The following ZNF226 variants were observed in gnomAD, a reference collection of about 807,000 sequenced individuals.
The protein encoded by ZNF226 is zinc finger protein 226.
Under a neutral mutation model 11.4 loss-of-function variants are expected in ZNF226, and 6 were observed. The ratio of observed to expected loss-of-function variants is 0.53; its 90% confidence interval spans 0.29 to 1.04. ZNF226 has a LOEUF of 1.04. Ranked by LOEUF, ZNF226 falls within the 50% of genes least tolerant of loss-of-function variation. ZNF226 has a pLI of 0.08. For synonymous variants in ZNF226, 350 were observed against 322.8 expected (o/e 1.08, Z -0.90); for missense variants, 1,058 against 956.5 (o/e 1.11, Z -1.40).
Position 44,176,669 on chromosome 19 carries a change from C to T in ZNF226, c.1407C>T (p.His469=), listed in dbSNP as rs1046773862. Residue 469 remains histidine (H), a synonymous_variant, in exon 6 of 6, where the codon CAC becomes CAT. Transcript: ENST00000337433. ...GTCTTCAGGCCCATCAGGGAGTTCA[C>T]ACTGGAGAGAAGTCATACATATGTA... ...PSSLQAHQGV[H]TGEKSYICTV... 1 of 1,614,072 alleles carries T rather than the reference C, an allele frequency of 6.2e-7. No individual in the cohort carries two copies.
chr19:44,181,684 AG>A (rs1346621372), downstream of ZNF226, among the ~76,000 whole-genome samples: 1 of 152,146 alleles, frequency 6.6e-6, no homozygotes, highest in East Asian at 1.9e-4. Flanking sequence ...AACAAAGCTG[AG>A]GGTTTTGCTC....
Position 44,175,978 on chromosome 19 carries a change from T to G in ZNF226, c.716T>G (p.Phe239Cys). ...AAAGACAACATGAAGATTTTGACAT[T>G]TGATCACAATAGCATGATTCACACA... ...YEKDNMKILT[F>C]DHNSMIHTGQ... Residue 239 changes from phenylalanine (F) to cysteine (C), a missense_variant, in exon 6 of 6, where the codon TTT becomes TGT. Phe to Cys is a radical substitution (Grantham distance 205). Coordinates refer to ENST00000337433, the MANE Select transcript of ZNF226 (RefSeq NM_001032373.2). The G allele has an allele frequency of 6.2e-7, 1 of 1,613,858 alleles. No individual in the cohort carries two copies.
rs111309024 is a variant in ZNF226 at position 44,170,261 on chromosome 19, T to A, written c.15+166T>A. On this transcript the variant is annotated intron_variant, in intron 3 of 5. Coordinates refer to ENST00000337433, the MANE Select transcript of ZNF226 (RefSeq NM_001032373.2). ...AGTTTAGCTGGTTTTGGTTTTAGTT[T>A]TATTTCGTCATTTTTATTTTACAAA... is the stretch of plus-strand genomic sequence containing the variant. Among the ~76,000 whole-genome samples the A allele has an allele frequency of 7.6e-3, 1,152 of 152,318 alleles. 7 individuals carry two copies. The highest frequency in any genetic ancestry group is 0.014 in the Middle Eastern group (4 of 294).
At chr19:44,173,084 C>T (rs983447888) in intron 5 of ZNF226, 132 bp downstream of exon 5, 48 of 754,134 alleles carry the variant, frequency 6.4e-5, no homozygotes, top group Non-Finnish European at 1.0e-4. Context: ...CTTTGTACTG[C>T]TTGCCCTGCT....
chr19:44,172,522 A>T, intron 4 of ZNF226: 1 of 403,420 alleles, frequency 2.5e-6, no homozygotes, highest in South Asian at 3.7e-5. Context: ...AATGAAATAA[A>T]ATAGGGTAGA....
the ZNF226 span, among the ~76,000 whole-genome samples, chr19:44,185,845 C>T: frequency 6.6e-6 from 1 of 152,034 alleles, no homozygotes; most frequent in South Asian, 2.1e-4. Flanking sequence ...ATCTAATGTT[C>T]TGAAGGTTTT....
At chr19:44,197,973 A>G in the ZNF226 span, among the ~76,000 whole-genome samples, 1 of 152,232 alleles carries the variant, frequency 6.6e-6, no homozygotes, top group African/African-American at 2.4e-5. Context: ...TTTAATTTTA[A>G]GATCTATATT....
downstream of ZNF226, among the ~76,000 whole-genome samples, chr19:44,183,236 G>A (rs1970934676): frequency 6.6e-6 from 1 of 152,144 alleles, no homozygotes; most frequent in South Asian, 2.1e-4. Context: ...AGCCCACCAG[G>A]TAGCAGAAGG....
downstream of ZNF226, among the ~76,000 whole-genome samples, chr19:44,178,604 T>G (rs1970857006): frequency 1.3e-5 from 2 of 152,184 alleles, no homozygotes; most frequent in African/African-American, 2.4e-5. Context: ...CAAAAATCGA[T>G]TTTTGGAGCA....
the ZNF226 span, among the ~76,000 whole-genome samples, chr19:44,199,267 C>A: frequency 6.6e-6 from 1 of 151,676 alleles, no homozygotes; most frequent in African/African-American, 2.4e-5. Flanking sequence ...CTCTGCCTCC[C>A]CGGCTCAAGT....
chr19:44,171,529 A>G (rs1001053409), intron 3 of ZNF226, among the ~76,000 whole-genome samples: 4 of 152,240 alleles, frequency 2.6e-5, no homozygotes, highest in Admixed American at 2.6e-4. Context: ...CCTCACAGCA[A>G]CTATGAAGAG....
chr19:44,172,061 G>A, intron 3 of ZNF226, 27 bp from the exon 4 acceptor site: 1 of 1,604,578 alleles, frequency 6.2e-7, no homozygotes, highest in Middle Eastern at 1.7e-4. Flanking sequence ...TTGGTTGTAA[G>A]ATTGAGGTCA....
intron 2 of ZNF226, chr19:44,167,025 C>T (rs1183484465): frequency 6.6e-6 from 1 of 152,170 alleles, no homozygotes; most frequent in African/African-American, 2.4e-5. Context: ...AGTGATTTTT[C>T]TTTCCCACTA....
the ZNF226 span, among the ~76,000 whole-genome samples, chr19:44,192,127 T>C: frequency 2.6e-5 from 4 of 152,218 alleles, no homozygotes; most frequent in Admixed American, 2.6e-4. Flanking sequence ...ATGTGGAATT[T>C]ATTGGTTAAA....
the ZNF226 span, among the ~76,000 whole-genome samples, chr19:44,185,953 G>T: frequency 6.6e-6 from 1 of 151,922 alleles, no homozygotes; most frequent in African/African-American, 2.4e-5. Context: ...TAAGGTAAGG[G>T]TCTAACTTTA....
At chr19:44,181,272 C>G (rs995456941), downstream of ZNF226, among the ~76,000 whole-genome samples, 2 of 152,110 alleles carry the variant, frequency 1.3e-5, no homozygotes, top group Non-Finnish European at 2.9e-5. Context: ...GTTCCAGGTA[C>G]TCAGGAAGCT....
intron 3 of ZNF226, among the ~76,000 whole-genome samples, chr19:44,170,544 G>A (rs1969966280): frequency 6.6e-6 from 1 of 152,088 alleles, no homozygotes; most frequent in Non-Finnish European, 1.5e-5. Context: ...AGACCATCCT[G>A]GCTAACATGG....
Position 44,172,075 on chromosome 19 carries a change from GT to G in ZNF226, c.16-8del, listed in dbSNP as rs756887193. The G allele has an allele frequency of 1.9e-6, 3 of 1,608,360 alleles. No individual in the cohort carries two copies. Among genetic ancestry groups the G allele is most frequent in the Non-Finnish European group, 2.6e-6 (3 of 1,176,318 alleles). On this transcript the variant is annotated splice_polypyrimidine_tract_variant and intron_variant, in intron 3 of 5. Coordinates refer to ENST00000337433, the MANE Select transcript of ZNF226 (RefSeq NM_001032373.2). ...ATTGGTTGTAAGATTGAGGTCATTT[GT>G]TTTTGTCGTAGGAAGCAGTGACCTT...
At chr19:44,192,468 C>T in the ZNF226 span, among the ~76,000 whole-genome samples, 2 of 151,896 alleles carry the variant, frequency 1.3e-5, no homozygotes, top group Admixed American at 1.3e-4. Flanking sequence ...AAAAAAGCTT[C>T]CAAAAACAAA....
Sources: gnomAD v4.1 joint callset for allele counts (sites outside exome capture counted in the v4.1 genomes callset) on GRCh38, gnomAD v4.1.1 for gene constraint, MANE v1.5 for transcripts, NCBI Gene and HGNC (gene_info 2026-07-23, HGNC 2026-07-21) for gene names.